TRPM3: variants seen among roughly 807,000 people sequenced by gnomAD.
The protein encoded by TRPM3 is transient receptor potential cation channel subfamily M member 3.
A neutral mutation model predicts 181.2 loss-of-function variants in TRPM3; 77 were observed. That is an observed-to-expected ratio of 0.42 (90% confidence interval 0.35 to 0.51). The LOEUF (loss-of-function observed/expected upper bound fraction) is 0.51. TRPM3 is among the 20% of genes least tolerant of loss of function. TRPM3 has a pLI of 0.01. For synonymous variants in TRPM3, 745 were observed against 796.4 expected (o/e 0.94, Z 1.09); for missense variants, 1,759 against 2,196.7 (o/e 0.80, Z 3.98).
chr9:71,397,442 T>C (rs139726937), intron 1 of TRPM3, among the ~76,000 whole-genome samples: 297 of 152,280 alleles, frequency 2.0e-3, no homozygotes, highest in Non-Finnish European at 3.4e-3. Context: ...ATAACTGTGA[T>C]TCTTTGACAC....
chr9:71,225,948 A>G (rs2080581822), intron 1 of TRPM3, among the ~76,000 whole-genome samples: 1 of 136,926 alleles, frequency 7.3e-6, no homozygotes, highest in Non-Finnish European at 1.5e-5. Flanking sequence ...GAGTTACCGC[A>G]CCCAGCCTAC....
At chr9:70,787,345 C>T (rs1410280470) in intron 6 of TRPM3, among the ~76,000 whole-genome samples, 1 of 152,054 alleles carries the variant, frequency 6.6e-6, no homozygotes, top group East Asian at 1.9e-4. Flanking sequence ...TATATCTATG[C>T]TTCCAAATTC....
intron 8 of TRPM3, among the ~76,000 whole-genome samples, chr9:70,683,493 G>A (rs1367338890): frequency 8.2e-6 from 1 of 121,226 alleles, no homozygotes. Flanking sequence ...GCCCAGGCTG[G>A]TCCTGAACTC....
intron 1 of TRPM3, among the ~76,000 whole-genome samples, chr9:71,430,891 T>G (rs1682942480): frequency 6.6e-6 from 1 of 152,206 alleles, no homozygotes; most frequent in Admixed American, 6.5e-5. Flanking sequence ...TTTCGCCCAT[T>G]GATTCTGAAC....
At position 70,536,590 on chromosome 9, in the gene TRPM3, A is replaced by G. The variant is rs765443823; in HGVS notation, c.4523T>C (p.Ile1508Thr). 26 of 1,614,004 alleles carry G rather than the reference A, an allele frequency of 1.6e-5. No individual in the cohort carries two copies. Among genetic ancestry groups the G allele is most frequent in the African/African-American group, 1.2e-4 (9 of 74,910 alleles). ...WDSEPPMYHT[I>T]ERSKSSRYLA... ...GTAGCGGCTACTTTTGGAACGCTCA[A>G]TGGTGTGGTACATCGGAGGCTCTGA... The change falls in exon 26 of 26, where the codon ATT becomes ACT. Residue 1508 changes from isoleucine to threonine, a missense_variant. Transcript: ENST00000677713.
At chr9:70,814,599 T>A (rs1287957943) in intron 6 of TRPM3, among the ~76,000 whole-genome samples, 4 of 152,202 alleles carry the variant, frequency 2.6e-5, no homozygotes, top group Non-Finnish European at 5.9e-5. Context: ...ATCCTTTATA[T>A]GTGATTTGAA....
chr9:71,293,546 A>G (rs1360140835), intron 1 of TRPM3, among the ~76,000 whole-genome samples: 1 of 151,784 alleles, frequency 6.6e-6, no homozygotes, highest in Non-Finnish European at 1.5e-5. Flanking sequence ...GAAAGTTCAA[A>G]ATTTTATTGA....
At chr9:70,569,605 A>G (rs1310048948) in intron 22 of TRPM3, among the ~76,000 whole-genome samples, 1 of 152,212 alleles carries the variant, frequency 6.6e-6, no homozygotes, top group Non-Finnish European at 1.5e-5. Flanking sequence ...GGCTTTATCA[A>G]CTGGTAGAAG....
At position 70,597,153 on chromosome 9, in the gene TRPM3, G is replaced by A. The variant is rs756302719; in HGVS notation, c.3048+1266C>T. 9.1e-4 allele frequency among the ~76,000 whole-genome samples: 138 copies of A among 151,980 alleles called. 1 individual carries two copies. Among genetic ancestry groups the A allele is most frequent in the Non-Finnish European group, 3.4e-4 (23 of 68,004 alleles). ...TCTCCATGTTGGTCAGGCTGGTCTC[G>A]AACTCCCGACCTCAGGTGATCTGCC... On this transcript the variant is annotated intron_variant, in intron 21 of 25. Coordinates refer to ENST00000677713, the MANE Select transcript of TRPM3 (RefSeq NM_001366145.2).
chr9:70,923,102 T>C (rs1244100233), intron 1 of TRPM3, among the ~76,000 whole-genome samples: 2 of 152,072 alleles, frequency 1.3e-5, no homozygotes, highest in African/African-American at 2.4e-5. Context: ...CCAGGGGCAA[T>C]GAAGTGGAAC....
intron 1 of TRPM3, among the ~76,000 whole-genome samples, chr9:71,262,897 GA>G (rs1392309284): frequency 6.6e-6 from 1 of 152,186 alleles, no homozygotes; most frequent in African/African-American, 2.4e-5. Context: ...TGGAAATGCA[GA>G]AATCACCCGC....
chr9:71,231,289 A>G (rs2081033097), intron 1 of TRPM3, among the ~76,000 whole-genome samples: 1 of 152,192 alleles, frequency 6.6e-6, no homozygotes, highest in African/African-American at 2.4e-5. Context: ...GTAAGAGAGA[A>G]GTAAGAGAAT....
intron 7 of TRPM3, among the ~76,000 whole-genome samples, chr9:70,781,611 T>C (rs894025372): frequency 6.6e-6 from 1 of 152,138 alleles, no homozygotes; most frequent in African/African-American, 2.4e-5. Context: ...TGAGGAACAC[T>C]ACAGCACATA....
intron 1 of TRPM3, among the ~76,000 whole-genome samples, chr9:71,303,179 C>T (rs1188566160): frequency 3.9e-5 from 6 of 152,130 alleles, no homozygotes; most frequent in Admixed American, 2.6e-4. Context: ...AGGAAAGGGA[C>T]AGGGAGATGG....
rs1211466310 is a variant in TRPM3, at chr9:70,533,814, A to G, written c.*2139T>C. On this transcript the variant is annotated 3_prime_UTR_variant, in exon 26 of 26. Transcript: ENST00000677713. ...TTAGCAATTCACCTAAATGCCAAGG[A>G]GTGAAAAAGGAATTGTTTAATTCTT... 6.6e-6 allele frequency: 1 copy of G among 152,216 alleles called. No homozygotes were observed. The highest frequency in any genetic ancestry group is 1.9e-4 in the East Asian group (1 of 5,202). 9.4% of individuals were successfully genotyped at this position (152,216 alleles called of 1,614,324 possible). A position where few individuals can be genotyped will look rare whatever the true frequency, so the allele number is the denominator to read the frequency against.
At position 70,825,069 on chromosome 9, in the gene TRPM3, T is replaced by A. The variant is rs534128233; in HGVS notation, c.973+2778A>T. The A allele has an allele frequency of 3.3e-5, 5 of 152,308 alleles. No individual in the cohort carries two copies. In the East Asian group the frequency reaches 7.7e-4, roughly 24 times the overall value. 9.4% of individuals were successfully genotyped at this position (152,308 alleles called of 1,614,324 possible). On this transcript the variant is annotated intron_variant, in intron 6 of 25. Transcript: ENST00000677713. ...ACAGTAATGAGGGAAGTTGACCTAA[T>A]GACTTATGAGTCACTCTCTTGTAGG...
At chr9:70,837,602 T>A (rs1480959192) in intron 5 of TRPM3, among the ~76,000 whole-genome samples, 2 of 152,212 alleles carry the variant, frequency 1.3e-5, no homozygotes, top group African/African-American at 4.8e-5. Context: ...AAACTCTTCA[T>A]TTACCTGACA....
chr9:71,419,954 T>C (rs541513712), intron 1 of TRPM3, among the ~76,000 whole-genome samples: 1 of 152,128 alleles, frequency 6.6e-6, no homozygotes, highest in Admixed American at 6.6e-5. Context: ...ATTTGTTCAA[T>C]AAAATACAAC....
chr9:70,655,887 TAA>T (rs2060269771), intron 9 of TRPM3, among the ~76,000 whole-genome samples: 2 of 152,212 alleles, frequency 1.3e-5, no homozygotes, highest in Non-Finnish European at 2.9e-5. Context: ...TTTGAATCTA[TAA>T]GATATATTTC....
Sources: gnomAD v4.1 joint callset for allele counts (sites outside exome capture counted in the v4.1 genomes callset) on GRCh38, gnomAD v4.1.1 for gene constraint, MANE v1.5 for transcripts, NCBI Gene and HGNC (gene_info 2026-07-23, HGNC 2026-07-21) for gene names.